DOK6: variants seen among roughly 807,000 people sequenced by gnomAD.
The protein encoded by DOK6 is downstream of tyrosine kinase 6.
Under a neutral mutation model 44.0 loss-of-function variants are expected in DOK6, and 22 were observed. The ratio of observed to expected loss-of-function variants is 0.50; its 90% confidence interval spans 0.36 to 0.71. The LOEUF is 0.71. DOK6 is among the 30% of genes least tolerant of loss of function. The pLI, the probability that DOK6 is intolerant of heterozygous loss-of-function variation, is 0.00. For synonymous variants in DOK6, 166 were observed against 145.5 expected (o/e 1.14, Z -1.01); for missense variants, 340 against 416.4 (o/e 0.82, Z 1.60).
At chr18:69,459,437 T>C (rs1441127907) in intron 1 of DOK6, among the ~76,000 whole-genome samples, 2 of 152,178 alleles carry the variant, frequency 1.3e-5, no homozygotes, top group Non-Finnish European at 2.9e-5. Context: ...ATAATAATTA[T>C]TGACCAATCT....
chr18:69,587,769 A>T (rs184023113), intron 2 of DOK6, among the ~76,000 whole-genome samples: 7 of 107,670 alleles, frequency 6.5e-5, no homozygotes, highest in African/African-American at 2.2e-4. Flanking sequence ...ATGTAAATTT[A>T]AACACACACA....
At chr18:69,714,820 T>C (rs914927103) in intron 5 of DOK6, among the ~76,000 whole-genome samples, 1 of 152,192 alleles carries the variant, frequency 6.6e-6, no homozygotes, top group Non-Finnish European at 1.5e-5. Flanking sequence ...GATGAGTGTA[T>C]TTATATAAAT....
intron 1 of DOK6, among the ~76,000 whole-genome samples, chr18:69,490,127 A>G (rs1980694470): frequency 6.6e-6 from 1 of 152,122 alleles, no homozygotes; most frequent in African/African-American, 2.4e-5. Context: ...GAGTTTAAGA[A>G]TGTCTGAAGA....
At chr18:69,788,731 T>G (rs1410237144) in intron 7 of DOK6, among the ~76,000 whole-genome samples, 2 of 152,196 alleles carry the variant, frequency 1.3e-5, no homozygotes, top group Non-Finnish European at 2.9e-5. Flanking sequence ...AGTAACAGAA[T>G]CGCTGCCAGG....
At chr18:69,752,736 C>A (rs986524583) in intron 6 of DOK6, among the ~76,000 whole-genome samples, 14 of 152,162 alleles carry the variant, frequency 9.2e-5, no homozygotes, top group Non-Finnish European at 1.6e-4. Flanking sequence ...ACAAAAAACT[C>A]CTGAGTCAGA....
intron 1 of DOK6, among the ~76,000 whole-genome samples, chr18:69,526,780 G>A (rs1377497761): frequency 1.3e-5 from 2 of 152,164 alleles, no homozygotes; most frequent in African/African-American, 2.4e-5. Context: ...AATGTTCCAT[G>A]TGAACTTGAG....
chr18:69,535,629 TATC>T (rs897815819), intron 1 of DOK6, among the ~76,000 whole-genome samples: 12 of 151,920 alleles, frequency 7.9e-5, no homozygotes, highest in African/African-American at 2.4e-4. Context: ...TAATGGACAT[TATC>T]ATCATGTTTC....
At chr18:69,598,379 GGAGAA>G (rs1365326720) in intron 2 of DOK6, among the ~76,000 whole-genome samples, 1 of 151,740 alleles carries the variant, frequency 6.6e-6, no homozygotes, top group African/African-American at 2.4e-5. Context: ...TTCTACATTT[GGAGAA>G]GAGAAATTAA....
intron 1 of DOK6, among the ~76,000 whole-genome samples, chr18:69,546,404 C>G (rs958787030): frequency 2.0e-5 from 3 of 151,504 alleles, no homozygotes; most frequent in Non-Finnish European, 4.4e-5. Flanking sequence ...TCCTCTCTTC[C>G]TGAACCTCTC....
intron 1 of DOK6, among the ~76,000 whole-genome samples, chr18:69,492,545 T>C (rs1277524151): frequency 6.6e-6 from 1 of 152,112 alleles, no homozygotes; most frequent in Non-Finnish European, 1.5e-5. Flanking sequence ...ATAAGCATAG[T>C]ACCCGATAGG....
At chr18:69,741,529 G>A (rs955576686) in intron 6 of DOK6, among the ~76,000 whole-genome samples, 1 of 152,026 alleles carries the variant, frequency 6.6e-6, no homozygotes, top group African/African-American at 2.4e-5. Flanking sequence ...ACAGGGTCTC[G>A]CTCTGTCACC....
At chr18:69,615,803 T>A (rs543773452) in intron 3 of DOK6, among the ~76,000 whole-genome samples, 2 of 152,286 alleles carry the variant, frequency 1.3e-5, no homozygotes, top group African/African-American at 4.8e-5. Context: ...TGCCCTGTAG[T>A]GACCAGCCTC....
chr18:69,612,966 C>T (rs1290850855), intron 3 of DOK6, among the ~76,000 whole-genome samples: 3 of 151,800 alleles, frequency 2.0e-5, no homozygotes, highest in African/African-American at 7.3e-5. Flanking sequence ...ACTGCAGCCT[C>T]CACCTCCCTG....
At chr18:69,664,917 G>A (rs1381004640) in intron 3 of DOK6, among the ~76,000 whole-genome samples, 12 of 152,070 alleles carry the variant, frequency 7.9e-5, no homozygotes, top group Admixed American at 5.9e-4. Context: ...GATGGCTCAC[G>A]CCTGTAATCC....
chr18:69,643,075 A>T (rs778842088), intron 3 of DOK6, among the ~76,000 whole-genome samples: 31 of 152,094 alleles, frequency 2.0e-4, no homozygotes, highest in South Asian at 1.7e-3. Context: ...GGCCCTATGG[A>T]TTCTTTTTAT....
At chr18:69,836,472 G>A (rs1982057304) in intron 7 of DOK6, among the ~76,000 whole-genome samples, 1 of 151,936 alleles carries the variant, frequency 6.6e-6, no homozygotes. Context: ...CTTGAACTAT[G>A]AGATAAATGT....
intron 6 of DOK6, among the ~76,000 whole-genome samples, chr18:69,752,727 C>CA (rs952261273): frequency 1.3e-5 from 2 of 152,118 alleles, no homozygotes; most frequent in Non-Finnish European, 1.5e-5. Context: ...GCAGAAAACA[C>CA]AAAAAACTCC....
chr18:69,488,094 C>T (rs1568273929), intron 1 of DOK6, among the ~76,000 whole-genome samples: 1 of 152,098 alleles, frequency 6.6e-6, no homozygotes, highest in Admixed American at 6.6e-5. Context: ...CTAGCCTTGT[C>T]CCTTGGCTTG....
Position 69,541,930 on chromosome 18 carries a change from T to C in DOK6, c.67-22557T>C, listed in dbSNP as rs558457854. The stretch of plus-strand genomic sequence containing the variant: ...AGAGCTATCTGTGACAGACTCTGTC[T>C]CATAAATAAGTAAATAAATAATTTT... On this transcript the variant is annotated intron_variant, in intron 1 of 7. Transcript: ENST00000382713. 5.5e-4 allele frequency among the ~76,000 whole-genome samples: 84 copies of C among 151,668 alleles called. 1 individual carries two copies. Among genetic ancestry groups the C allele is most frequent in the Non-Finnish European group, 1.0e-3 (71 of 67,738 alleles).
Sources: allele counts gnomAD v4.1 joint callset (sites outside exome capture counted in the v4.1 genomes callset), GRCh38; gene constraint gnomAD v4.1.1; transcripts MANE v1.5; gene names NCBI Gene and HGNC (gene_info 2026-07-23, HGNC 2026-07-21).